Variants in COBL observed in about 807,000 individuals in gnomAD.
COBL encodes the protein protein cordon-bleu.
A neutral mutation model predicts 98.8 loss-of-function variants in COBL; 51 were observed. The observed-to-expected ratio is 0.52, with a 90% CI of 0.41 to 0.65. The LOEUF is 0.65. COBL is among the 30% of genes least tolerant of loss of function. The pLI, the probability that COBL is intolerant of heterozygous loss-of-function variation, is 0.00. For missense variants in COBL, 1,617 were observed against 1,617.5 expected (o/e 1.00, Z 0.01); for synonymous variants, 634 against 651.7 (o/e 0.97, Z 0.41).
intron 1 of COBL, among the ~76,000 whole-genome samples, chr7:51,279,291 C>T (rs1035449696): frequency 8.5e-5 from 13 of 152,216 alleles, no homozygotes; most frequent in African/African-American, 2.7e-4. Context: ...TGACTAACTA[C>T]TAAAGACTAA....
intron 6 of COBL, among the ~76,000 whole-genome samples, chr7:51,127,461 G>A (rs1219971105): frequency 1.3e-5 from 2 of 152,304 alleles, no homozygotes; most frequent in African/African-American, 2.4e-5. Flanking sequence ...AGGGACAGAC[G>A]CAACTGGGGA....
At chr7:51,183,156 C>G (rs1004626604) in intron 5 of COBL, among the ~76,000 whole-genome samples, 26 of 152,210 alleles carry the variant, frequency 1.7e-4, no homozygotes, top group African/African-American at 6.0e-4. Flanking sequence ...AATCAGGTGT[C>G]CGGCCTTGGG....
chr7:51,117,190 G>A (rs1252611115), intron 6 of COBL, among the ~76,000 whole-genome samples: 1 of 124,212 alleles, frequency 8.1e-6, no homozygotes, highest in African/African-American at 3.0e-5. Context: ...GCTATGCACA[G>A]TTTTCTTCTT....
At chr7:51,271,089 G>C (rs1206446508) in intron 1 of COBL, among the ~76,000 whole-genome samples, 1 of 152,206 alleles carries the variant, frequency 6.6e-6, no homozygotes, top group African/African-American at 2.4e-5. Flanking sequence ...CGCCAGGCCT[G>C]GTGTATCTCC....
At chr7:51,294,174 C>T (rs1801175703) in intron 1 of COBL, among the ~76,000 whole-genome samples, 1 of 151,232 alleles carries the variant, frequency 6.6e-6, no homozygotes, top group African/African-American at 2.4e-5. Context: ...GCCTGTAGTC[C>T]CAGCTACTCA....
intron 2 of COBL, among the ~76,000 whole-genome samples, chr7:51,211,504 A>C (rs1584190811): frequency 6.6e-6 from 1 of 152,214 alleles, no homozygotes; most frequent in Non-Finnish European, 1.5e-5. Context: ...CAAGGTCAGT[A>C]CTTGCTAAAT....
chr7:51,143,913 T>G (rs576164289), intron 5 of COBL, among the ~76,000 whole-genome samples: 1 of 152,370 alleles, frequency 6.6e-6, no homozygotes, highest in Admixed American at 6.5e-5. Context: ...AATGTTGCCC[T>G]CTCTAATCTT....
intron 4 of COBL, among the ~76,000 whole-genome samples, chr7:51,190,592 T>C (rs1790010493): frequency 6.6e-6 from 1 of 152,130 alleles, no homozygotes; most frequent in African/African-American, 2.4e-5. Flanking sequence ...CCCTTTTACT[T>C]ATGTCGTGGA....
rs534129955 is a variant in COBL at position 51,245,893 on chromosome 7, G to C, written c.42-25949C>G. On this transcript the variant is annotated intron_variant, in intron 1 of 12. Coordinates refer to ENST00000265136, the MANE Select transcript of COBL (RefSeq NM_015198.5). ...TTATGCAAAACAAAGTTAGGTAAGG[G>C]ACAAATCCTGCCTGCAGAGTAACTT... is the stretch of plus-strand genomic sequence containing the variant. 5.3e-5 allele frequency among the ~76,000 whole-genome samples: 8 copies of C among 152,310 alleles called. 1 individual carries two copies. In the South Asian group the frequency reaches 1.7e-3, roughly 32 times the overall value.
chr7:51,169,099 T>G (rs1401984550), intron 5 of COBL, among the ~76,000 whole-genome samples: 1 of 152,144 alleles, frequency 6.6e-6, no homozygotes, highest in Non-Finnish European at 1.5e-5. Context: ...TTACAATATA[T>G]TCTCTCTGAA....
chr7:51,194,388 C>G (rs1790402032), intron 2 of COBL, among the ~76,000 whole-genome samples: 1 of 152,028 alleles, frequency 6.6e-6, no homozygotes, highest in Non-Finnish European at 1.5e-5. Context: ...GATTCCATGT[C>G]TTTGCTATTG....
chr7:51,245,367 A>G lies in COBL; in HGVS notation c.42-25423T>C, dbSNP rs114889103. Among the ~76,000 whole-genome samples, 552 of 152,338 alleles carry G rather than the reference A, an allele frequency of 3.6e-3. 2 individuals carry two copies. The highest frequency in any genetic ancestry group is 0.013 in the African/African-American group (523 of 41,580). ...ATCCCTACCCACTCCTGCTGAAATT[A>G]GAAGTATTTTCTGCAAACCCTAAAT... On this transcript the variant is annotated intron_variant, in intron 1 of 12. Coordinates refer to ENST00000265136, the MANE Select transcript of COBL (RefSeq NM_015198.5).
At chr7:51,021,036 C>G (rs903796060) in intron 12 of COBL, 1 of 152,188 alleles carries the variant, frequency 6.6e-6, no homozygotes, top group Non-Finnish European at 1.5e-5. Flanking sequence ...CATAGCTGGG[C>G]ACCCTCATTG....
chr7:51,240,185 A>C (rs567040255), intron 1 of COBL, among the ~76,000 whole-genome samples: 3 of 152,248 alleles, frequency 2.0e-5, no homozygotes, highest in Non-Finnish European at 4.4e-5. Flanking sequence ...TCCAAGACCT[A>C]GGATGGTGAT....
intron 6 of COBL, among the ~76,000 whole-genome samples, chr7:51,130,813 C>G (rs1026918305): frequency 6.6e-5 from 10 of 152,206 alleles, no homozygotes; most frequent in African/African-American, 2.4e-4. Context: ...GTTACCAGAT[C>G]CAGGAAATGG....
At chr7:51,162,622 T>C (rs1244796982) in intron 5 of COBL, among the ~76,000 whole-genome samples, 2 of 152,198 alleles carry the variant, frequency 1.3e-5, no homozygotes, top group Non-Finnish European at 1.5e-5. Flanking sequence ...TCTGGAGGGC[T>C]CCGGTCAGGT....
chr7:51,268,576 A>G (rs1798438206), intron 1 of COBL, among the ~76,000 whole-genome samples: 1 of 152,198 alleles, frequency 6.6e-6, no homozygotes. Flanking sequence ...AGCCCTGTGA[A>G]GCAGGTGGAT....
At chr7:51,029,646 G>A in intron 9 of COBL, 55 bp from the exon 10 acceptor site, 1 of 1,416,454 alleles carries the variant, frequency 7.1e-7, no homozygotes, top group Non-Finnish European at 9.6e-7. Context: ...ATTACTTAGT[G>A]TAACTGCAGC....
intron 6 of COBL, among the ~76,000 whole-genome samples, chr7:51,110,253 C>G (rs1796703938): frequency 6.6e-6 from 1 of 152,082 alleles, no homozygotes; most frequent in South Asian, 2.1e-4. Context: ...ATTCCCTCTT[C>G]CTCCCTCTCC....
Sources: allele counts gnomAD v4.1 joint callset (sites outside exome capture counted in the v4.1 genomes callset), GRCh38; gene constraint gnomAD v4.1.1; transcripts MANE v1.5; gene names NCBI Gene and HGNC (gene_info 2026-07-23, HGNC 2026-07-21).